The following DISC1 variants were observed in gnomAD, a reference collection of about 807,000 sequenced individuals.
DISC1 encodes the protein disrupted in schizophrenia 1 protein.
Under a neutral mutation model 84.5 loss-of-function variants are expected in DISC1, and 57 were observed. That is an observed-to-expected ratio of 0.67 (90% CI 0.55 to 0.84). DISC1 has a LOEUF of 0.84. Among genes scored for constraint, DISC1 ranks in the 40% least tolerant of loss-of-function variants. The probability of loss-of-function intolerance (pLI) is 0.00; values close to 1 mark genes in which losing one functional copy is unlikely to be tolerated. For missense variants in DISC1, 1,000 were observed against 1,057.8 expected, an observed-to-expected ratio of 0.95 and a Z score of 0.76; for synonymous variants, 411 against 415.2, an observed-to-expected ratio of 0.99 and a Z score of 0.12.
At chr1:232,001,721 A>C (rs930714713) in intron 10 of DISC1, among the ~76,000 whole-genome samples, 21 of 152,190 alleles carry the variant, frequency 1.4e-4, no homozygotes, top group African/African-American at 5.1e-4. Context: ...CTCATACTTC[A>C]TGCAAAAATT....
intron 12 of DISC1, among the ~76,000 whole-genome samples, chr1:232,030,761 G>C (rs1669935226): frequency 6.6e-6 from 1 of 152,150 alleles, no homozygotes; most frequent in Non-Finnish European, 1.5e-5. Flanking sequence ...AGAGCTGAGG[G>C]GCTGGAAGAG....
chr1:231,865,574 A>T (rs1367856590), intron 9 of DISC1, among the ~76,000 whole-genome samples: 1 of 152,206 alleles, frequency 6.6e-6, no homozygotes, highest in Non-Finnish European at 1.5e-5. Flanking sequence ...TTCCTTGGCA[A>T]TATTGGCCAC....
At chr1:231,644,930 C>A (rs1037665336) in intron 1 of DISC1, among the ~76,000 whole-genome samples, 14 of 151,954 alleles carry the variant, frequency 9.2e-5, no homozygotes, top group Non-Finnish European at 1.9e-4. Context: ...TGACTGAATT[C>A]TTCCTTTCTC....
intron 3 of DISC1, among the ~76,000 whole-genome samples, chr1:231,726,708 A>G (rs1297004516): frequency 6.6e-6 from 1 of 152,208 alleles, no homozygotes. Context: ...TGTTTGGGCA[A>G]AGGCAGTTTT....
At position 231,965,038 on chromosome 1, in the gene DISC1, A is replaced by C. The variant is rs147584960; in HGVS notation, c.2042+6150A>C. On this transcript the variant is annotated intron_variant, in intron 10 of 12. Coordinates refer to ENST00000439617, the MANE Select transcript of DISC1 (RefSeq NM_018662.3). ...ATAGCACTATCTTTGTTACTCTTTC[A>C]AAGTATACAGAGACCTGAAGACCCA... Among the ~76,000 whole-genome samples the C allele has an allele frequency of 4.3e-3, 654 of 152,336 alleles. 13 individuals carry two copies. In the South Asian group the frequency reaches 0.07, roughly 16 times the overall value.
intron 9 of DISC1, among the ~76,000 whole-genome samples, chr1:231,880,802 TG>T (rs2086239072): frequency 6.6e-6 from 1 of 151,782 alleles, no homozygotes; most frequent in African/African-American, 2.4e-5. Flanking sequence ...TATTCTTGGG[TG>T]GGTCAGCTCC....
At position 231,710,501 on chromosome 1, in the gene DISC1, A is replaced by G. The variant is rs551179809; in HGVS notation, c.1117+8477A>G. Among the ~76,000 whole-genome samples the G allele has an allele frequency of 2.6e-5, 4 of 152,356 alleles. No homozygotes were observed. The East Asian group carries it at 7.7e-4, about 29-fold the overall frequency. On this transcript the variant is annotated intron_variant, in intron 3 of 12. Coordinates refer to ENST00000439617, the MANE Select transcript of DISC1 (RefSeq NM_018662.3). ...GGTGCAAATGGTTGATTTATCCTTA[A>G]CAGGAAGGATGTCTTAGTCTGCTTG...
chr1:231,740,726 T>A (rs979194114), intron 3 of DISC1, among the ~76,000 whole-genome samples: 1 of 152,242 alleles, frequency 6.6e-6, no homozygotes, highest in Admixed American at 6.5e-5. Flanking sequence ...GACCCAAGCC[T>A]ATACATGAAA....
At chr1:231,725,806 C>G (rs1259281527) in intron 3 of DISC1, among the ~76,000 whole-genome samples, 1 of 151,510 alleles carries the variant, frequency 6.6e-6, no homozygotes, top group Non-Finnish European at 1.5e-5. Context: ...GAAGGCCCTT[C>G]TGGGCTGGGT....
chr1:231,910,946 T>C (rs2089145126), intron 9 of DISC1, among the ~76,000 whole-genome samples: 1 of 152,214 alleles, frequency 6.6e-6, no homozygotes, highest in African/African-American at 2.4e-5. Context: ...TCTTTGTCTC[T>C]TTTGATCTTT....
intron 9 of DISC1, among the ~76,000 whole-genome samples, chr1:231,868,585 C>A (rs1260701176): frequency 6.6e-6 from 1 of 151,274 alleles, no homozygotes; most frequent in Non-Finnish European, 1.5e-5. Context: ...GCAAACCAGG[C>A]GCAGTGGCTC....
At chr1:231,869,085 G>A (rs1273619119) in intron 9 of DISC1, among the ~76,000 whole-genome samples, 1 of 152,062 alleles carries the variant, frequency 6.6e-6, no homozygotes, top group East Asian at 1.9e-4. Flanking sequence ...AGAGAGTGCT[G>A]ATCTTGAAGA....
chr1:231,803,371 A>C (rs1424655215), intron 8 of DISC1, among the ~76,000 whole-genome samples: 1 of 152,196 alleles, frequency 6.6e-6, no homozygotes, highest in Non-Finnish European at 1.5e-5. Flanking sequence ...AGCTTGAAAC[A>C]ACAAACCTTT....
At chr1:231,916,976 A>T (rs1483104543) in intron 9 of DISC1, among the ~76,000 whole-genome samples, 1 of 152,166 alleles carries the variant, frequency 6.6e-6, no homozygotes, top group Non-Finnish European at 1.5e-5. Flanking sequence ...TTTACTTTTT[A>T]TGTGGATTCC....
intron 9 of DISC1, among the ~76,000 whole-genome samples, chr1:231,896,534 T>C (rs1428907485): frequency 1.3e-5 from 2 of 152,168 alleles, no homozygotes; most frequent in African/African-American, 2.4e-5. Context: ...AAAATTGTGG[T>C]GTTTCATCTT....
intron 9 of DISC1, among the ~76,000 whole-genome samples, chr1:231,917,298 A>T (rs1471497104): frequency 6.6e-6 from 1 of 152,166 alleles, no homozygotes; most frequent in Non-Finnish European, 1.5e-5. Context: ...TTCTATCGAG[A>T]TGCAATCAAA....
intron 9 of DISC1, among the ~76,000 whole-genome samples, chr1:231,925,251 T>G (rs2126090679): frequency 6.6e-6 from 1 of 152,324 alleles, no homozygotes; most frequent in Non-Finnish European, 1.5e-5. Context: ...GAAAGTCACA[T>G]CTGACTCCAA....
At chr1:231,639,767 G>A (rs2125161537) in intron 1 of DISC1, among the ~76,000 whole-genome samples, 1 of 152,304 alleles carries the variant, frequency 6.6e-6, no homozygotes, top group East Asian at 1.9e-4. Flanking sequence ...CATCATTTAT[G>A]TGTATAGAAC....
At position 232,031,191 on chromosome 1, in the gene DISC1, GAGAC is replaced by G. The variant is rs775003752; in HGVS notation, c.2425+4643_2425+4646del. Reference sequence around the variant, plus strand: ...CAGGAAGGAAGGAAGGGAGAAAGGAGAGACAGAGAGAGAGGAAGGAAGGAAGGGA... The same window carrying G: ...CAGGAAGGAAGGAAGGGAGAAAGGAGAGAGAGAGAGGAAGGAAGGAAGGGA... On this transcript the variant is annotated intron_variant, in intron 12 of 12. Transcript: ENST00000439617. The surrounding 1 kb of genome is among the most constrained non-coding windows in gnomAD (Gnocchi z 4.6). Among the ~76,000 whole-genome samples the G allele has an allele frequency of 0.022, 2,461 of 114,366 alleles. 43 individuals carry two copies. Among genetic ancestry groups the G allele is most frequent in the South Asian group, 0.058 (211 of 3,626 alleles). 75.0% of individuals were successfully genotyped at this position (114,366 alleles called of 152,430 possible).
Sources: gnomAD v4.1 joint callset for allele counts (sites outside exome capture counted in the v4.1 genomes callset) on GRCh38, gnomAD v4.1.1 for gene constraint, Gnocchi (gnomAD v3.1) non-coding constraint, MANE v1.5 for transcripts, NCBI Gene and HGNC (gene_info 2026-07-23, HGNC 2026-07-21) for gene names.